NCKAP1: variants seen among roughly 807,000 people sequenced by gnomAD.
NCKAP1 encodes NCK associated protein 1.
In NCKAP1, 21 loss-of-function variants were observed where a neutral mutation model predicts 151.2. That is an observed-to-expected ratio of 0.14 (90% CI 0.10 to 0.20). The LOEUF (loss-of-function observed/expected upper bound fraction) is 0.20. NCKAP1 is among the 10% of genes least tolerant of loss of function. NCKAP1 has a pLI of 1.00. For missense variants in NCKAP1, 933 were observed against 1,352.1 expected (o/e 0.69, Z 4.86); for synonymous variants, 484 against 451.8 (o/e 1.07, Z -0.90).
intron 28 of NCKAP1, 73 bp downstream of exon 28, chr2:182,928,710 A>T: frequency 9.6e-7 from 1 of 1,044,106 alleles, no homozygotes; most frequent in South Asian, 1.6e-5. Context: ...GGCAGAACTT[A>T]ACTCATATTT....
chr2:182,946,401 C>CAA (rs112998465), intron 23 of NCKAP1, among the ~76,000 whole-genome samples: 3 of 144,756 alleles, frequency 2.1e-5, no homozygotes, highest in African/African-American at 7.6e-5. Flanking sequence ...ACTCTGTTTA[C>CAA]AAAAAAAAAA....
intron 20 of NCKAP1, among the ~76,000 whole-genome samples, chr2:182,955,531 G>A (rs1033044558): frequency 6.6e-6 from 1 of 151,994 alleles, no homozygotes; most frequent in African/African-American, 2.4e-5. Context: ...TATATAACAG[G>A]AAATTCTAAT....
At chr2:182,928,319 G>C (rs1696689408) in intron 28 of NCKAP1, 93 bp from the exon 29 acceptor site, 1 of 830,784 alleles carries the variant, frequency 1.2e-6, no homozygotes, top group South Asian at 1.8e-5. Context: ...TGCATAAATA[G>C]GGGCATAATT....
At chr2:182,980,941 G>C (rs1559091874) in intron 13 of NCKAP1, among the ~76,000 whole-genome samples, 1 of 152,054 alleles carries the variant, frequency 6.6e-6, no homozygotes, top group Non-Finnish European at 1.5e-5. Context: ...CCTGATTTAT[G>C]ATTAACCTCC....
At chr2:182,985,845 G>A (rs1698046165) in intron 10 of NCKAP1, among the ~76,000 whole-genome samples, 1 of 151,510 alleles carries the variant, frequency 6.6e-6, no homozygotes, top group Non-Finnish European at 1.5e-5. Flanking sequence ...AGAGTTATAT[G>A]GATATATTAA....
At chr2:182,929,258 T>G (rs1203841183) in intron 27 of NCKAP1, among the ~76,000 whole-genome samples, 4 of 152,018 alleles carry the variant, frequency 2.6e-5, no homozygotes, top group Non-Finnish European at 5.9e-5. Context: ...GAATTATTAC[T>G]TTATGAGACA....
At chr2:183,030,350 A>T (rs985627688) in intron 1 of NCKAP1, among the ~76,000 whole-genome samples, 30 of 152,180 alleles carry the variant, frequency 2.0e-4, no homozygotes, top group African/African-American at 6.3e-4. Flanking sequence ...TTTAATTTCT[A>T]TTCTAACTCA....
intron 19 of NCKAP1, 159 bp downstream of exon 19, chr2:182,957,298 G>A (rs776728995): frequency 6.0e-5 from 43 of 717,622 alleles, no homozygotes; most frequent in Non-Finnish European, 7.3e-5. Context: ...GATGAAATAA[G>A]CAACTAACAG....
At chr2:182,933,444 A>G (rs938238188) in intron 26 of NCKAP1, among the ~76,000 whole-genome samples, 25 of 133,244 alleles carry the variant, frequency 1.9e-4, no homozygotes, top group Non-Finnish European at 3.7e-4. Flanking sequence ...CCCAGGCTGG[A>G]GTGCAGTGGC....
At chr2:182,946,735 C>A in intron 23 of NCKAP1, among the ~76,000 whole-genome samples, 4 of 51,942 alleles carry the variant, frequency 7.7e-5, no homozygotes, top group Non-Finnish European at 3.8e-5. Context: ...AGGCATAAAC[C>A]TACCAAAAAA....
At chr2:182,981,477 T>C (rs1697938088) in intron 12 of NCKAP1, 101 bp from the exon 13 acceptor site, 8 of 903,156 alleles carry the variant, frequency 8.9e-6, no homozygotes, top group South Asian at 1.9e-5. Flanking sequence ...ATTTTTCTTA[T>C]AAAGGGCATT....
intron 1 of NCKAP1, among the ~76,000 whole-genome samples, chr2:183,027,581 A>T (rs1310664357): frequency 6.6e-6 from 1 of 152,184 alleles, no homozygotes; most frequent in Non-Finnish European, 1.5e-5. Context: ...CTGATTGGGC[A>T]TGGTGGCTCA....
chr2:182,965,441 G>A (rs1333518223), intron 16 of NCKAP1, among the ~76,000 whole-genome samples: 3 of 151,586 alleles, frequency 2.0e-5, no homozygotes, highest in South Asian at 2.1e-4. Context: ...CCTCCATCTC[G>A]GCCTCCCATG....
In NCKAP1 at chr2:182,967,223, T is replaced by C. The variant is rs1575036268; in HGVS notation, c.1621A>G (p.Ile541Val). The change falls in exon 16 of 31, where the codon ATA becomes GTA. Residue 541 changes from isoleucine to valine, a missense_variant. Physicochemically the swap from Ile to Val is conservative, Grantham distance 29 (BLOSUM62 3). Transcript: ENST00000361354. The stretch of plus-strand genomic sequence containing the variant: ...GAGAAAATTACAACATACCAAAATA[T>C]GGAGAGATCTGATGTTTCCACCAAC... ...EMLVETSDLS[I>V]FCFYSRAFEK... 2.5e-6 allele frequency: 4 copies of C among 1,599,774 alleles called. No homozygotes were observed. In the East Asian group the frequency reaches 8.9e-5, roughly 36 times the overall value.
At chr2:182,941,890 A>G (rs574756183) in intron 24 of NCKAP1, among the ~76,000 whole-genome samples, 180 bp downstream of exon 24, 1 of 152,298 alleles carries the variant, frequency 6.6e-6, no homozygotes, top group Admixed American at 6.5e-5. Flanking sequence ...TGTGAAACAG[A>G]TAAGCCACAC....
At position 182,916,232 on chromosome 2, in the gene NCKAP1, G is replaced by A. The variant is rs972109421; in HGVS notation, c.*9470C>T. On this transcript the variant is annotated 3_prime_UTR_variant, in exon 31 of 31. Coordinates refer to ENST00000361354, the MANE Select transcript of NCKAP1 (RefSeq NM_013436.5). ...TCACTGAGCTGCTGCTATTACAGGTGTAGAAATCCCCAGCTGCCTGTATCT... is the reference window on the plus strand; with the variant it reads ...TCACTGAGCTGCTGCTATTACAGGTATAGAAATCCCCAGCTGCCTGTATCT... The A allele has an allele frequency of 1.3e-5, 2 of 149,726 alleles. No homozygotes were observed. Among genetic ancestry groups the A allele is most frequent in the Admixed American group, 6.7e-5 (1 of 14,994 alleles). The allele number at this position is 149,726 out of a possible 1,614,324, so 9.3% of individuals were successfully genotyped here.
At chr2:183,024,429 G>A (rs887723264) in intron 1 of NCKAP1, among the ~76,000 whole-genome samples, 4 of 152,172 alleles carry the variant, frequency 2.6e-5, no homozygotes, top group African/African-American at 9.6e-5. Context: ...GCTAAGGTGT[G>A]TTGTCTTATT....
chr2:183,015,338 ACT>A (rs1284594758), intron 2 of NCKAP1, among the ~76,000 whole-genome samples: 3 of 152,162 alleles, frequency 2.0e-5, no homozygotes, highest in Non-Finnish European at 2.9e-5. Context: ...GGATTCTCAA[ACT>A]CATGAAAATT....
At chr2:182,985,998 A>C (rs1400539385) in intron 10 of NCKAP1, among the ~76,000 whole-genome samples, 173 bp downstream of exon 10, 1 of 152,118 alleles carries the variant, frequency 6.6e-6, no homozygotes, top group Non-Finnish European at 1.5e-5. Context: ...TGACTTCACT[A>C]ATTCCAAGGT....
Sources: gnomAD v4.1 joint callset for allele counts (sites outside exome capture counted in the v4.1 genomes callset) on GRCh38, gnomAD v4.1.1 for gene constraint, MANE v1.5 for transcripts, NCBI Gene and HGNC (gene_info 2026-07-23, HGNC 2026-07-21) for gene names.